The following SLC38A10 variants were observed in gnomAD, a reference collection of about 807,000 sequenced individuals.
The protein encoded by SLC38A10 is solute carrier family 38 member 10.
A neutral mutation model predicts 81.0 loss-of-function variants in SLC38A10; 53 were observed. The observed-to-expected ratio is 0.65, with a 90% CI of 0.53 to 0.82. The LOEUF (loss-of-function observed/expected upper bound fraction) is 0.82. SLC38A10 is among the 40% of genes least tolerant of loss of function. SLC38A10 has a pLI of 0.00. For missense variants in SLC38A10, 1,471 were observed against 1,545.0 expected (o/e 0.95, Z 0.80); for synonymous variants, 665 against 655.3 (o/e 1.01, Z -0.23).
At position 81,246,657 on chromosome 17, in the gene SLC38A10, C is replaced by T; in HGVS notation, c.2259G>A (p.Glu753=). 6.6e-7 allele frequency: 1 copy of T among 1,508,932 alleles called. No homozygotes were observed. The highest frequency in any genetic ancestry group is 8.8e-7 in the Non-Finnish European group (1 of 1,130,608). 93.5% of individuals were successfully genotyped at this position (1,508,932 alleles called of 1,614,324 possible). A position where few individuals can be genotyped will look rare whatever the true frequency, so the allele number is the denominator to read the frequency against. The change falls in exon 16 of 16, where the codon GAG becomes GAA. Residue 753 remains glutamate (E), a synonymous_variant. Coordinates refer to ENST00000374759, the MANE Select transcript of SLC38A10 (RefSeq NM_001037984.3). ...GGCCTCTGGGCACCGCTGCCCCGGG[C>T]TCTTGATGCACCTCCACTGCAAATG... The part of the protein sequence containing the change: ...DKPRQVEVHQ[E]PGAAVPRGQE...
chr17:81,249,966 A>G, intron 14 of SLC38A10: 1 of 1,090,926 alleles, frequency 9.2e-7, no homozygotes, highest in South Asian at 1.4e-5. Flanking sequence ...ACGTGTCCCC[A>G]TGCAGGGCTG....
chr17:81,285,006 G>C (rs1435172136), intron 2 of SLC38A10, 111 bp from the exon 3 acceptor site: 1 of 871,382 alleles, frequency 1.1e-6, no homozygotes, highest in African/African-American at 1.8e-5. Context: ...CACGGGCCCA[G>C]ATTCTCCGGG....
intron 3 of SLC38A10, 39 bp downstream of exon 3, chr17:81,284,810 CG>C (rs1567947267): frequency 9.4e-7 from 1 of 1,060,264 alleles, no homozygotes; most frequent in South Asian, 1.5e-5. Context: ...TGTCTGGGTG[CG>C]GGGGTGGGGG....
chr17:81,246,720 G>C (rs2062855495), intron 15 of SLC38A10, 47 bp from the exon 16 acceptor site: 1 of 1,502,374 alleles, frequency 6.7e-7, no homozygotes, highest in Non-Finnish European at 8.9e-7. Context: ...CTGTACACAG[G>C]CTGCCAGTGG....
At chr17:81,252,127 T>C in intron 13 of SLC38A10, 68 bp downstream of exon 13, 1 of 1,484,392 alleles carries the variant, frequency 6.7e-7, no homozygotes, top group Non-Finnish European at 8.9e-7. Flanking sequence ...TCGATTCTGC[T>C]GCCCCTGCCC....
intron 10 of SLC38A10, among the ~76,000 whole-genome samples, chr17:81,266,139 A>G (rs1202993125): frequency 6.6e-6 from 1 of 152,228 alleles, no homozygotes; most frequent in Non-Finnish European, 1.5e-5. Flanking sequence ...CCGTGGCCAC[A>G]GGTGTGTGAC....
chr17:81,251,722 T>A, intron 13 of SLC38A10, 110 bp from the exon 14 acceptor site: 1 of 1,208,816 alleles, frequency 8.3e-7, no homozygotes, highest in East Asian at 2.7e-5. Context: ...CAGATGTTTC[T>A]AAAGTGACAC....
intron 11 of SLC38A10, among the ~76,000 whole-genome samples, chr17:81,256,441 T>C (rs72860039): frequency 0.064 from 9,719 of 152,268 alleles, 369 homozygotes; most frequent in East Asian, 0.13. Context: ...GCAAGGTGGC[T>C]CTGCGGGCTG....
intron 10 of SLC38A10, among the ~76,000 whole-genome samples, chr17:81,268,975 G>C (rs2063092653): frequency 6.6e-6 from 1 of 152,118 alleles, no homozygotes; most frequent in African/African-American, 2.4e-5. Flanking sequence ...ACCCAAAGCA[G>C]AACTAAGTTA....
rs779211327 is a variant in SLC38A10 at position 81,245,732 on chromosome 17, C to G, written c.3184G>C (p.Gly1062Arg). 6.3e-7 allele frequency: 1 copy of G among 1,597,390 alleles called. No individual in the cohort carries two copies. Among genetic ancestry groups the G allele is most frequent in the East Asian group, 2.2e-5 (1 of 44,456 alleles). ...ACCCCATCCCTCGGGGCCAGCTGAC[C>G]CTCTGCATGAGGGCCAAGGTCCCGC... ...RRRDLGPHAEGQLAPRDGVII... is the reference protein window; with the variant it reads ...RRRDLGPHAERQLAPRDGVII... The change falls in exon 16 of 16, where the codon GGT (glycine) becomes CGT (arginine). Residue 1062 changes from glycine to arginine, a missense_variant. Physicochemically the swap from Gly to Arg is moderately radical, Grantham distance 125. This residue lies in a region of SLC38A10 where 751 missense variants were observed against 717.4 expected (regional missense o/e 1.05). Coordinates refer to ENST00000374759, the MANE Select transcript of SLC38A10 (RefSeq NM_001037984.3).
At chr17:81,294,327 T>G (rs1473419619) in intron 1 of SLC38A10, among the ~76,000 whole-genome samples, 1 of 152,102 alleles carries the variant, frequency 6.6e-6, no homozygotes, top group Non-Finnish European at 1.5e-5. Context: ...CACCACCCCC[T>G]GCCAAATGTG....
At chr17:81,251,947 G>A (rs931928991) in intron 13 of SLC38A10, 9 of 601,924 alleles carry the variant, frequency 1.5e-5, no homozygotes, top group Admixed American at 7.3e-5. Flanking sequence ...CCAGACACAC[G>A]AGCACAGCGC....
At position 81,277,254 on chromosome 17, in the gene SLC38A10, C is replaced by T. The variant is rs990979474; in HGVS notation, c.627-121G>A. The T allele has an allele frequency of 7.2e-6, 6 of 833,360 alleles. No homozygotes were observed. The highest frequency in any genetic ancestry group is 1.7e-5 in the African/African-American group (1 of 59,506). 51.6% of individuals were successfully genotyped at this position (833,360 alleles called of 1,614,324 possible). ...CTCTGACCTTCCTTCATGCAACATT[C>T]TCTGCACACTGGAAGTCCCAGCGCT... On this transcript the variant is annotated intron_variant, in intron 6 of 15. Transcript: ENST00000374759. This position sits in a 1 kb window ranked among gnomAD's most constrained non-coding sequence, Gnocchi z 4.5.
chr17:81,283,553 C>A lies in SLC38A10; in HGVS notation c.264-51G>T, dbSNP rs976384870. ...AATGCCATCAGGGCAAGCTGGCACA[C>A]ACCTGGGCTGCCGCCAGGGACTACC... On this transcript the variant is annotated intron_variant, in intron 3 of 15. Coordinates refer to ENST00000374759, the MANE Select transcript of SLC38A10 (RefSeq NM_001037984.3). The surrounding 1 kb of genome is among the most constrained non-coding windows in gnomAD (Gnocchi z 4.7). 8 of 1,465,218 alleles carry A rather than the reference C, an allele frequency of 5.5e-6. No individual in the cohort carries two copies. Among genetic ancestry groups the A allele is most frequent in the African/African-American group, 1.4e-5 (1 of 71,594 alleles). The allele number at this position is 1,465,218 out of a possible 1,614,324, so 90.8% of individuals were successfully genotyped here. A position where few individuals can be genotyped will look rare whatever the true frequency, so the allele number is the denominator to read the frequency against.
intron 14 of SLC38A10, among the ~76,000 whole-genome samples, chr17:81,250,567 G>A (rs948738923): frequency 1.1e-4 from 17 of 152,206 alleles, no homozygotes; most frequent in African/African-American, 3.4e-4. Context: ...TGTGCCCTGC[G>A]ACCCCCACAC....
intron 12 of SLC38A10, 46 bp from the exon 13 acceptor site, chr17:81,252,729 T>C: frequency 6.5e-7 from 1 of 1,533,618 alleles, no homozygotes; most frequent in Admixed American, 2.1e-5. Flanking sequence ...AGGCCCCTCC[T>C]TCCCTTCCCA....
chr17:81,252,820 G>A lies in SLC38A10; in HGVS notation c.1457-137C>T, dbSNP rs1325239920. ...CCAACAGATACCACCTCCCCTGCCG[G>A]CCTCCCTGCTGCCTGGCCAAGCACA... On this transcript the variant is annotated intron_variant, in intron 12 of 15. Coordinates refer to ENST00000374759, the MANE Select transcript of SLC38A10 (RefSeq NM_001037984.3). The A allele has an allele frequency of 8.8e-6, 12 of 1,356,532 alleles. No homozygotes were observed. In the East Asian group the frequency reaches 2.7e-4, roughly 30 times the overall value. The allele number at this position is 1,356,532 out of a possible 1,614,324, so 84.0% of individuals were successfully genotyped here.
intron 1 of SLC38A10, among the ~76,000 whole-genome samples, chr17:81,291,912 T>C (rs2063313734): frequency 6.6e-6 from 1 of 152,116 alleles, no homozygotes; most frequent in South Asian, 2.1e-4. Context: ...CGTGGCACAC[T>C]AGGGGTCAGC....
rs1215022164 is a variant in SLC38A10 at position 81,270,432 on chromosome 17, C to T, written c.1131+486G>A. ...TAAAAATAGCGAGGCAGCTCTGTGC[C>T]CACGGCTGTGGAGCAACCTGACCTG... On this transcript the variant is annotated intron_variant, in intron 10 of 15. Transcript: ENST00000374759. This position sits in a 1 kb window ranked among gnomAD's most constrained non-coding sequence, Gnocchi z 4.0. Among the ~76,000 whole-genome samples, 1 of 152,180 alleles carries T rather than the reference C, an allele frequency of 6.6e-6. No homozygotes were observed. Among genetic ancestry groups the T allele is most frequent in the Non-Finnish European group, 1.5e-5 (1 of 68,034 alleles).
Sources: gnomAD v4.1 joint callset for allele counts (sites outside exome capture counted in the v4.1 genomes callset) on GRCh38, gnomAD v4.1.1 for gene constraint, gnomAD v4.1.1 regional missense constraint, Gnocchi (gnomAD v3.1) non-coding constraint, MANE v1.5 for transcripts, NCBI Gene and HGNC (gene_info 2026-07-23, HGNC 2026-07-21) for gene names.